Variants in SYTL5 observed in about 807,000 individuals in gnomAD.
The protein encoded by SYTL5 is synaptotagmin-like protein 5.
Under a neutral mutation model 55.9 loss-of-function variants are expected in SYTL5, and 34 were observed. The ratio of observed to expected loss-of-function variants is 0.61; its 90% CI spans 0.46 to 0.81. The LOEUF (loss-of-function observed/expected upper bound fraction) is 0.81, where lower values mean the gene tolerates loss of function less well. SYTL5 is among the 30% of genes least tolerant of loss of function. The pLI, the probability that SYTL5 is intolerant of heterozygous loss-of-function variation, is 0.00. For missense variants in SYTL5, 637 were observed against 546.7 expected, an observed-to-expected ratio of 1.17 and a Z score of -1.65; for synonymous variants, 221 against 188.7, an observed-to-expected ratio of 1.17 and a Z score of -1.40.
intron 14 of SYTL5, among the ~76,000 whole-genome samples, 195 bp from the exon 15 acceptor site, chrX:38,121,885 C>A (rs993519595): frequency 8.0e-5 from 9 of 112,076 alleles, no homozygotes; most frequent in African/African-American, 2.9e-4. Flanking sequence ...AAATGAAAGA[C>A]CTATCTGGAA....
At chrX:37,955,171 G>A in the SYTL5 span, among the ~76,000 whole-genome samples, 1 of 110,340 alleles carries the variant, frequency 9.1e-6, no homozygotes, top group African/African-American at 3.3e-5. Flanking sequence ...AGAGGATGTG[G>A]CAAAAAGTGT....
the SYTL5 span, among the ~76,000 whole-genome samples, chrX:37,970,467 T>A: frequency 9.1e-6 from 1 of 110,252 alleles, no homozygotes; most frequent in Non-Finnish European, 1.9e-5. Flanking sequence ...AGCCTTGAAT[T>A]AGACAAAGAT....
At chrX:38,016,241 T>C (rs773344942) in intron 1 of SYTL5, among the ~76,000 whole-genome samples, 30 of 112,312 alleles carry the variant, frequency 2.7e-4, no homozygotes, top group Middle Eastern at 4.6e-3. Flanking sequence ...AAAATAGCTA[T>C]GGTTTTGGCT....
chrX:37,947,431 GCTCT>G, the SYTL5 span, among the ~76,000 whole-genome samples: 1 of 111,371 alleles, frequency 9.0e-6, no homozygotes, highest in African/African-American at 3.3e-5. Context: ...GGCTTTCTTT[GCTCT>G]CTCTATCTCT....
chrX:38,126,789 A>T lies in SYTL5; in HGVS notation c.*59A>T. 9.1e-7 allele frequency: 1 copy of T among 1,104,826 alleles called. No individual in the cohort carries two copies. The highest frequency in any genetic ancestry group is 2.1e-5 in the South Asian group (1 of 46,837). The allele number at this position is 1,104,826 out of a possible 1,213,427, so 91.1% of individuals were successfully genotyped here. On this transcript the variant is annotated 3_prime_UTR_variant, in exon 17 of 17. Transcript: ENST00000297875. Reference sequence around the variant, plus strand: ...ACCTATCTGGCTGTCTTTTCCTACCATTAGCAAACTGAGACCTGGGATTCT... The same window carrying T: ...ACCTATCTGGCTGTCTTTTCCTACCTTTAGCAAACTGAGACCTGGGATTCT...
chrX:37,973,809 T>A, the SYTL5 span, among the ~76,000 whole-genome samples: 21,183 of 108,061 alleles, frequency 0.2, 1,931 homozygotes, highest in Non-Finnish European at 0.26. Context: ...TATTTTTTTT[T>A]AAAAAATATT....
In SYTL5 at chrX:38,070,711, A is replaced by G. The variant is rs185944839; in HGVS notation, c.330-1336A>G. ...TTACCGTAGTTACATAGTCCTATTTACTATTTTCAGAACATGCCCATAGAG... is the reference window on the plus strand; with the variant it reads ...TTACCGTAGTTACATAGTCCTATTTGCTATTTTCAGAACATGCCCATAGAG... On this transcript the variant is annotated intron_variant, in intron 3 of 16. Coordinates refer to ENST00000297875, the MANE Select transcript of SYTL5 (RefSeq NM_138780.3). Among the ~76,000 whole-genome samples the G allele has an allele frequency of 3.8e-4, 42 of 111,781 alleles. 1 individual carries two copies. In the East Asian group the frequency reaches 9.8e-3, roughly 26 times the overall value.
the SYTL5 span, among the ~76,000 whole-genome samples, chrX:37,933,952 T>C: frequency 2.7e-5 from 3 of 111,315 alleles, no homozygotes; most frequent in Non-Finnish European, 5.7e-5. Flanking sequence ...AGGAGACTTA[T>C]TGGTTTCAGA....
chrX:38,058,705 T>G (rs1334084675), intron 3 of SYTL5, among the ~76,000 whole-genome samples: 21 of 111,421 alleles, frequency 1.9e-4, no homozygotes, highest in African/African-American at 5.8e-4. Flanking sequence ...GTAATATTTT[T>G]AAAACGTTTT....
the SYTL5 span, among the ~76,000 whole-genome samples, chrX:37,911,790 T>C: frequency 9.0e-6 from 1 of 111,631 alleles, no homozygotes; most frequent in Non-Finnish European, 1.9e-5. Context: ...GTGCTATATA[T>C]AGGTGATATA....
chrX:38,045,410 T>C (rs1417414539), intron 2 of SYTL5, among the ~76,000 whole-genome samples: 1 of 112,721 alleles, frequency 8.9e-6, no homozygotes, highest in Admixed American at 9.4e-5. Context: ...CTAAAACTGT[T>C]ACTTTTCAGC....
At chrX:37,941,257 C>T in the SYTL5 span, among the ~76,000 whole-genome samples, 2 of 111,810 alleles carry the variant, frequency 1.8e-5, no homozygotes, top group South Asian at 3.8e-4. Context: ...CGCTCCCCAC[C>T]ACATCCAGCT....
chrX:38,115,432 C>T (rs1467086061), intron 13 of SYTL5, among the ~76,000 whole-genome samples: 3 of 84,247 alleles, frequency 3.6e-5, no homozygotes, highest in Non-Finnish European at 4.4e-5. Flanking sequence ...TGCAGTGAGC[C>T]GAGATCGCGC....
the SYTL5 span, among the ~76,000 whole-genome samples, chrX:37,984,860 C>T: frequency 1.8e-5 from 2 of 111,869 alleles, no homozygotes; most frequent in Non-Finnish European, 3.8e-5. Context: ...TAATACACTA[C>T]ATCAATAGAA....
chrX:38,088,881 G>A (rs1936724970), intron 6 of SYTL5, among the ~76,000 whole-genome samples: 1 of 112,171 alleles, frequency 8.9e-6, no homozygotes, highest in Non-Finnish European at 1.9e-5. Flanking sequence ...TCACATATGT[G>A]GATCCATTAG....
At chrX:38,086,981 T>C (rs1169256442) in intron 6 of SYTL5, among the ~76,000 whole-genome samples, 1 of 111,651 alleles carries the variant, frequency 9.0e-6, no homozygotes, top group East Asian at 2.8e-4. Flanking sequence ...GGATAACTTC[T>C]TGAATGTCAT....
chrX:38,013,917 C>T (rs1222315274), intron 1 of SYTL5, among the ~76,000 whole-genome samples: 3 of 111,144 alleles, frequency 2.7e-5, no homozygotes, highest in Admixed American at 1.9e-4. Context: ...AACTCCTCCT[C>T]TCCTAGCTTA....
chrX:38,126,946 T>TGATAGAAAG lies in SYTL5; in HGVS notation c.*217_*225dup, dbSNP rs1271496887. The TGATAGAAAG allele has an allele frequency of 2.6e-6, 1 of 383,222 alleles. No individual in the cohort carries two copies. Among genetic ancestry groups the TGATAGAAAG allele is most frequent in the Non-Finnish European group, 4.5e-6 (1 of 221,756 alleles). The allele number at this position is 383,222 out of a possible 1,213,427, so 31.6% of individuals were successfully genotyped here. A position where few individuals can be genotyped will look rare whatever the true frequency, so the allele number is the denominator to read the frequency against. On this transcript the variant is annotated 3_prime_UTR_variant, in exon 17 of 17. Transcript: ENST00000297875. The stretch of plus-strand genomic sequence containing the variant: ...TCCAATCAAGGCCTTCTTGATTGGA[T>TGATAGAAAG]GATAGAAAGTGTACTACTTGTCCTG...
chrX:38,115,436 A>C (rs994403033), intron 13 of SYTL5, among the ~76,000 whole-genome samples: 4 of 86,632 alleles, frequency 4.6e-5, no homozygotes, highest in Non-Finnish European at 8.7e-5. Flanking sequence ...GTGAGCCGAG[A>C]TCGCGCCACT....
Sources: allele counts gnomAD v4.1 joint callset (sites outside exome capture counted in the v4.1 genomes callset), GRCh38; gene constraint gnomAD v4.1.1; transcripts MANE v1.5; gene names NCBI Gene and HGNC (gene_info 2026-07-23, HGNC 2026-07-21).